Variants in SIN3A observed in about 807,000 individuals in gnomAD.
SIN3A encodes the protein SIN3 transcription regulator family member A.
SIN3A carries 14 observed loss-of-function variants against 146.1 expected under a neutral mutation model. The ratio of observed to expected loss-of-function variants is 0.10; its 90% CI spans 0.06 to 0.15. The LOEUF is 0.15. SIN3A is among the 10% of genes least tolerant of loss of function. SIN3A has a pLI of 1.00. For synonymous variants in SIN3A, 572 were observed against 572.0 expected (o/e 1.00, Z 0.00); for missense variants, 1,028 against 1,576.0 (o/e 0.65, Z 5.89).
chr15:75,455,455 C>A (rs2074475783), upstream of SIN3A, among the ~76,000 whole-genome samples: 1 of 152,188 alleles, frequency 6.6e-6, no homozygotes, highest in Non-Finnish European at 1.5e-5. Context: ...TTCTCCAGTC[C>A]GCCGCCAAAA....
intron 2 of SIN3A, among the ~76,000 whole-genome samples, chr15:75,429,188 C>CG (rs2073973674): frequency 6.6e-6 from 1 of 151,914 alleles, no homozygotes; most frequent in East Asian, 1.9e-4. Flanking sequence ...GGGAGGCTGG[C>CG]TGGGGGAGGA....
intron 19 of SIN3A, among the ~76,000 whole-genome samples, chr15:75,376,954 G>C (rs2072874760): frequency 6.7e-6 from 1 of 148,708 alleles, no homozygotes. Context: ...GCAGTTCTTT[G>C]TCCAAAGGGT....
At chr15:75,374,161 C>T (rs956430580) in intron 20 of SIN3A, among the ~76,000 whole-genome samples, 5 of 152,200 alleles carry the variant, frequency 3.3e-5, no homozygotes, top group African/African-American at 1.2e-4. Flanking sequence ...TGCTTACCCC[C>T]ACATTTGATC....
In SIN3A at chr15:75,392,349, C is replaced by T. The variant is rs372555029; in HGVS notation, c.2744G>A (p.Arg915Gln). ...CTCTCGGTTTTCTTCTTCAATTTGC[C>T]GTTCGGCTTGGGAACAAATCCGTAG... Reference protein sequence around the residue: ...RLLRICSQAERQIEEENRERE... With the variant: ...RLLRICSQAEQQIEEENRERE... The change falls in exon 15 of 21, where the codon CGG (arginine) becomes CAG (glutamine). Residue 915 changes from arginine to glutamine, a missense_variant. Physicochemically the swap from Arg to Gln is conservative, Grantham distance 43. Transcript: ENST00000394947. 8.1e-6 allele frequency: 13 copies of T among 1,614,202 alleles called. No homozygotes were observed. Among genetic ancestry groups the T allele is most frequent in the South Asian group, 1.1e-5 (1 of 91,082 alleles).
chr15:75,404,263 T>G (rs980640983), intron 9 of SIN3A, among the ~76,000 whole-genome samples: 1 of 152,236 alleles, frequency 6.6e-6, no homozygotes, highest in Non-Finnish European at 1.5e-5. Flanking sequence ...CTGTATACCC[T>G]ATTTACCTTT....
At chr15:75,440,976 CTG>C (rs2074198698) in intron 1 of SIN3A, among the ~76,000 whole-genome samples, 1 of 114,436 alleles carries the variant, frequency 8.7e-6, no homozygotes, top group African/African-American at 4.0e-5. Context: ...AGCGAAGACT[CTG>C]TCTCAAAAAA....
intron 15 of SIN3A, 55 bp downstream of exon 15, chr15:75,392,187 C>A: frequency 6.6e-7 from 1 of 1,514,058 alleles, no homozygotes; most frequent in Admixed American, 1.8e-5. Context: ...GTCTAGGTGG[C>A]TCTAAGGTCC....
intron 8 of SIN3A, 22 bp downstream of exon 8, chr15:75,409,814 A>C (rs752793924): frequency 7.5e-6 from 12 of 1,607,604 alleles, no homozygotes; most frequent in South Asian, 5.5e-5. Flanking sequence ...TGTCAAAATG[A>C]GCAGCTGCTG....
chr15:75,435,636 T>C (rs1254329846), intron 1 of SIN3A, among the ~76,000 whole-genome samples: 2 of 149,202 alleles, frequency 1.3e-5, no homozygotes, highest in African/African-American at 5.0e-5. Context: ...AGGTAGAGGT[T>C]GAGGTGAGCC....
chr15:75,378,613 T>C (rs975282513), intron 19 of SIN3A, among the ~76,000 whole-genome samples: 1 of 152,172 alleles, frequency 6.6e-6, no homozygotes, highest in African/African-American at 2.4e-5. Flanking sequence ...TTTGTTGTCA[T>C]ATCAAAGAAT....
intron 16 of SIN3A, among the ~76,000 whole-genome samples, chr15:75,386,899 G>A (rs2073094669): frequency 6.6e-6 from 1 of 152,140 alleles, no homozygotes; most frequent in Non-Finnish European, 1.5e-5. Context: ...TCAACTTCCT[G>A]GGTTCAGATG....
chr15:75,439,728 T>G (rs981117045), intron 1 of SIN3A, among the ~76,000 whole-genome samples: 6 of 152,084 alleles, frequency 3.9e-5, no homozygotes, highest in African/African-American at 1.4e-4. Flanking sequence ...GACCTAAAGT[T>G]TTTTAGAACT....
intron 2 of SIN3A, among the ~76,000 whole-genome samples, chr15:75,425,617 T>C (rs1331779221): frequency 2.6e-5 from 4 of 152,228 alleles, no homozygotes; most frequent in Non-Finnish European, 5.9e-5. Flanking sequence ...TCTTACAAGT[T>C]TGAGGAAATA....
intron 3 of SIN3A, among the ~76,000 whole-genome samples, chr15:75,417,378 C>CTTT (rs34223540): frequency 2.6e-4 from 37 of 140,896 alleles, no homozygotes; most frequent in African/African-American, 8.3e-4. Flanking sequence ...CAGTCTTTTT[C>CTTT]TTTTTTTTTT....
chr15:75,431,056 G>A (rs2074006251), intron 1 of SIN3A, among the ~76,000 whole-genome samples: 1 of 152,116 alleles, frequency 6.6e-6, no homozygotes, highest in East Asian at 1.9e-4. Context: ...GATTACAGGC[G>A]TGAGCCACCG....
chr15:75,383,508 C>G (rs182442876), intron 17 of SIN3A, among the ~76,000 whole-genome samples: 1 of 151,056 alleles, frequency 6.6e-6, no homozygotes, highest in East Asian at 1.9e-4. Flanking sequence ...ACTGCAGCCT[C>G]GACCTCCCAG....
intron 1 of SIN3A, among the ~76,000 whole-genome samples, chr15:75,450,539 G>A (rs2074384763): frequency 6.6e-6 from 1 of 152,208 alleles, no homozygotes; most frequent in Non-Finnish European, 1.5e-5. Context: ...CCTACAAGAG[G>A]ACCTTGGGCA....
chr15:75,387,260 C>G (rs2073103080), intron 16 of SIN3A, among the ~76,000 whole-genome samples: 1 of 152,138 alleles, frequency 6.6e-6, no homozygotes, highest in East Asian at 1.9e-4. Flanking sequence ...CACAGTGGCT[C>G]ATGCCCGTAA....
At position 75,389,277 on chromosome 15, in the gene SIN3A, A is replaced by C. The variant is rs377451351; in HGVS notation, c.3021+375T>G. ...GAAGTTCAAGACCAGCCTGGGCAAAACAGTGACACCCTGTCTCTATTTAAG... is the reference window on the plus strand; with the variant it reads ...GAAGTTCAAGACCAGCCTGGGCAAACCAGTGACACCCTGTCTCTATTTAAG... On this transcript the variant is annotated intron_variant, in intron 16 of 20. Coordinates refer to ENST00000394947, the MANE Select transcript of SIN3A (RefSeq NM_001145358.2). 2.4e-3 allele frequency among the ~76,000 whole-genome samples: 362 copies of C among 150,658 alleles called. 1 individual carries two copies. The highest frequency in any genetic ancestry group is 8.4e-3 in the African/African-American group (340 of 40,658).
Sources: gnomAD v4.1 joint callset for allele counts (sites outside exome capture counted in the v4.1 genomes callset) on GRCh38, gnomAD v4.1.1 for gene constraint, MANE v1.5 for transcripts, NCBI Gene and HGNC (gene_info 2026-07-23, HGNC 2026-07-21) for gene names.